The following PTPRM variants were observed in gnomAD, a reference collection of about 807,000 sequenced individuals.
The protein encoded by PTPRM is receptor-type tyrosine-protein phosphatase mu.
A neutral mutation model predicts 186.7 loss-of-function variants in PTPRM; 47 were observed. That is an observed-to-expected ratio of 0.25 (90% CI 0.20 to 0.32). PTPRM has a LOEUF of 0.32. Among genes scored for constraint, PTPRM ranks in the 10% least tolerant of loss-of-function variants. The pLI, the probability that PTPRM is intolerant of heterozygous loss-of-function variation, is 1.00. For synonymous variants in PTPRM, 668 were observed against 674.9 expected (o/e 0.99, Z 0.16); for missense variants, 1,494 against 1,865.0 (o/e 0.80, Z 3.66).
At chr18:8,238,928 T>C (rs1221993299) in intron 14 of PTPRM, among the ~76,000 whole-genome samples, 1 of 151,650 alleles carries the variant, frequency 6.6e-6, no homozygotes, top group Non-Finnish European at 1.5e-5. Flanking sequence ...CCAGGTCAGT[T>C]AGGCTCTGAC....
At chr18:7,663,329 CTTCA>C (rs1438141706) in intron 1 of PTPRM, among the ~76,000 whole-genome samples, 2 of 152,138 alleles carry the variant, frequency 1.3e-5, no homozygotes, top group African/African-American at 4.8e-5. Flanking sequence ...CAAAGTGGGA[CTTCA>C]TTCATTTATT....
chr18:8,217,985 T>C (rs1160955305), intron 14 of PTPRM, among the ~76,000 whole-genome samples: 1 of 152,170 alleles, frequency 6.6e-6, no homozygotes, highest in Non-Finnish European at 1.5e-5. Flanking sequence ...AAGAAATTGG[T>C]GTGCTGTTAC....
intron 1 of PTPRM, among the ~76,000 whole-genome samples, chr18:7,569,575 G>A (rs899661592): frequency 4.6e-5 from 7 of 152,170 alleles, no homozygotes; most frequent in African/African-American, 1.7e-4. Flanking sequence ...TAACATCCAT[G>A]ACTCCCTTCT....
At chr18:7,682,605 G>C (rs555222613) in intron 1 of PTPRM, among the ~76,000 whole-genome samples, 1 of 152,146 alleles carries the variant, frequency 6.6e-6, no homozygotes, top group Non-Finnish European at 1.5e-5. Context: ...TTTTGTTAGA[G>C]ATGACAAATA....
In PTPRM at chr18:8,088,883, T is replaced by C. The variant is rs201196602; in HGVS notation, c.1856+32T>C. ...AACAGAGGGTTGGGCCGGCTCTAGA[T>C]AGAAGAAAACTAAATCAAGTTGATT... On this transcript the variant is annotated intron_variant, in intron 11 of 32. Transcript: ENST00000580170. 9.3e-6 allele frequency: 14 copies of C among 1,501,942 alleles called. No homozygotes were observed. In the East Asian group the frequency reaches 2.9e-4, roughly 32 times the overall value. 93.0% of individuals were successfully genotyped at this position (1,501,942 alleles called of 1,614,324 possible). A position where few individuals can be genotyped will look rare whatever the true frequency, so the allele number is the denominator to read the frequency against.
intron 14 of PTPRM, among the ~76,000 whole-genome samples, chr18:8,145,565 A>G (rs1252007340): frequency 6.6e-6 from 1 of 152,200 alleles, no homozygotes; most frequent in Non-Finnish European, 1.5e-5. Context: ...GAATGAGAAC[A>G]TGCAGTGTTT....
intron 14 of PTPRM, among the ~76,000 whole-genome samples, chr18:8,199,506 G>C (rs1445837225): frequency 1.3e-5 from 2 of 152,188 alleles, no homozygotes; most frequent in African/African-American, 4.8e-5. Flanking sequence ...GCAAAGTAAA[G>C]TTGAGGTCAG....
rs538813927 is a variant in PTPRM, at chr18:7,739,620, C to G, written c.74-34529C>G. The stretch of plus-strand genomic sequence containing the variant: ...AAATGGGGAGTGGATACAGCAGGCA[C>G]CTTGGGAGTCATTGGATTTTCCTAG... On this transcript the variant is annotated intron_variant, in intron 1 of 32. Transcript: ENST00000580170. 2.6e-5 allele frequency among the ~76,000 whole-genome samples: 4 copies of G among 152,306 alleles called. No individual in the cohort carries two copies. In the East Asian group the frequency reaches 7.7e-4, roughly 29 times the overall value.
rs147760472 is a variant in PTPRM, at chr18:7,875,468, C to T, written c.197-12638C>T. On this transcript the variant is annotated intron_variant, in intron 2 of 32. Coordinates refer to ENST00000580170, the MANE Select transcript of PTPRM (RefSeq NM_001105244.2). ...CCTCCCGAGTAGCTGGAACTACAGG[C>T]GTGCACCACCATGCCTGGCTAGTTT... Among the ~76,000 whole-genome samples the T allele has an allele frequency of 5.5e-3, 828 of 151,856 alleles. 4 individuals carry two copies. The highest frequency in any genetic ancestry group is 0.027 in the Middle Eastern group (8 of 294).
At chr18:7,657,529 T>G (rs2038878875) in intron 1 of PTPRM, among the ~76,000 whole-genome samples, 1 of 152,212 alleles carries the variant, frequency 6.6e-6, no homozygotes, top group African/African-American at 2.4e-5. Flanking sequence ...CATCTTATTT[T>G]CTATACACAG....
intron 2 of PTPRM, among the ~76,000 whole-genome samples, chr18:7,878,220 T>C (rs2048336930): frequency 6.6e-6 from 1 of 152,228 alleles, no homozygotes; most frequent in Non-Finnish European, 1.5e-5. Context: ...TTTATTGGTA[T>C]TTTGATGCTT....
chr18:7,985,023 A>G (rs1200585096), intron 7 of PTPRM, among the ~76,000 whole-genome samples: 4 of 125,960 alleles, frequency 3.2e-5, no homozygotes, highest in South Asian at 4.8e-4. Context: ...ATAATTATAT[A>G]TACATATATA....
rs1405011707 is a variant in PTPRM at position 8,113,585 on chromosome 18, T to G, written c.1956T>G (p.Ala652=). Residue 652 remains alanine, a synonymous_variant, in exon 12 of 33, where the codon GCT becomes GCG. Coordinates refer to ENST00000580170, the MANE Select transcript of PTPRM (RefSeq NM_001105244.2). ...CYPVPIHFQN[A]SLLNSQYYFA... ...CAGTGCCAATTCACTTCCAGAATGC[T>G]TCTCTGCTGAACTCACAGTACTACT... 2 of 1,614,048 alleles carry G rather than the reference T, an allele frequency of 1.2e-6. No homozygotes were observed. Among genetic ancestry groups the G allele is most frequent in the East Asian group, 4.5e-5 (2 of 44,892 alleles).
At chr18:8,179,755 A>G (rs2093547245) in intron 14 of PTPRM, among the ~76,000 whole-genome samples, 1 of 152,144 alleles carries the variant, frequency 6.6e-6, no homozygotes, top group Non-Finnish European at 1.5e-5. Flanking sequence ...GGCATGAGCC[A>G]CTGTGCCCGG....
chr18:7,667,612 A>G (rs2039125827), intron 1 of PTPRM, among the ~76,000 whole-genome samples: 1 of 152,270 alleles, frequency 6.6e-6, no homozygotes, highest in Non-Finnish European at 1.5e-5. Context: ...TTGGCTTTTT[A>G]GAACTTTAAT....
At chr18:8,349,810 TG>T (rs1178519298) in intron 23 of PTPRM, among the ~76,000 whole-genome samples, 3 of 152,238 alleles carry the variant, frequency 2.0e-5, no homozygotes, top group Non-Finnish European at 4.4e-5. Context: ...ACCTGCCTCC[TG>T]TTTTCAAGGT....
chr18:7,896,324 C>T (rs1173414975), intron 3 of PTPRM, among the ~76,000 whole-genome samples: 9 of 152,256 alleles, frequency 5.9e-5, no homozygotes, highest in Admixed American at 5.9e-4. Context: ...TGTTTCCCAC[C>T]CCTACACCCT....
intron 14 of PTPRM, among the ~76,000 whole-genome samples, chr18:8,152,469 G>A (rs560869124): frequency 3.3e-5 from 5 of 152,182 alleles, no homozygotes; most frequent in South Asian, 2.1e-4. Flanking sequence ...ACAGCTGTGC[G>A]CATCCCTGGT....
intron 2 of PTPRM, among the ~76,000 whole-genome samples, chr18:7,838,700 CTCT>C (rs2046179015): frequency 6.6e-6 from 1 of 152,234 alleles, no homozygotes; most frequent in Admixed American, 6.5e-5. Flanking sequence ...GGCCTTGGGG[CTCT>C]ACAGTCAGCA....
Sources: allele counts gnomAD v4.1 joint callset (sites outside exome capture counted in the v4.1 genomes callset), GRCh38; gene constraint gnomAD v4.1.1; transcripts MANE v1.5; gene names NCBI Gene and HGNC (gene_info 2026-07-23, HGNC 2026-07-21).